Variants in SLC35F4 observed in about 807,000 individuals in gnomAD.
SLC35F4 encodes the protein solute carrier family 35 member F4, also known as chromosome 14 open reading frame 36.
In SLC35F4, 24 loss-of-function variants were observed where a neutral mutation model predicts 44.2. The observed-to-expected ratio is 0.54, with a 90% CI of 0.39 to 0.76. The LOEUF (loss-of-function observed/expected upper bound fraction) is 0.76, where lower values mean the gene tolerates loss of function less well. SLC35F4 is among the 30% of genes least tolerant of loss of function. The pLI is 0.00. For missense variants in SLC35F4, 562 were observed against 586.1 expected, an observed-to-expected ratio of 0.96 and a Z score of 0.42; for synonymous variants, 238 against 223.6, an observed-to-expected ratio of 1.06 and a Z score of -0.57.
chr14:57,841,127 G>A (rs1885441659), intron 1 of SLC35F4, among the ~76,000 whole-genome samples: 1 of 152,108 alleles, frequency 6.6e-6, no homozygotes, highest in Non-Finnish European at 1.5e-5. Context: ...TCAATTATCA[G>A]CAACATGTAC....
intron 4 of SLC35F4, among the ~76,000 whole-genome samples, chr14:57,574,134 C>T (rs929711570): frequency 6.6e-6 from 1 of 152,128 alleles, no homozygotes; most frequent in Non-Finnish European, 1.5e-5. Flanking sequence ...TCATTATCCC[C>T]AAGATATGAC....
At chr14:57,780,769 T>C (rs1014635780) in intron 1 of SLC35F4, among the ~76,000 whole-genome samples, 1 of 151,766 alleles carries the variant, frequency 6.6e-6, no homozygotes, top group East Asian at 1.9e-4. Context: ...TATAAAAACA[T>C]AGACCAAGGG....
At chr14:57,783,274 A>T (rs749735383) in intron 1 of SLC35F4, among the ~76,000 whole-genome samples, 1 of 152,130 alleles carries the variant, frequency 6.6e-6, no homozygotes, top group Non-Finnish European at 1.5e-5. Flanking sequence ...ATTTTTTAAA[A>T]TATCAAGCAG....
At chr14:57,691,961 G>A (rs552995708) in intron 1 of SLC35F4, among the ~76,000 whole-genome samples, 10 of 152,118 alleles carry the variant, frequency 6.6e-5, no homozygotes, top group Non-Finnish European at 1.3e-4. Context: ...TGTGGAACAC[G>A]ATAGTGTGTG....
At chr14:57,915,828 T>C (rs1046324243) in intron 1 of SLC35F4, among the ~76,000 whole-genome samples, 1 of 152,128 alleles carries the variant, frequency 6.6e-6, no homozygotes, top group Non-Finnish European at 1.5e-5. Flanking sequence ...AGTTCTGGGG[T>C]CTTCTTCTGA....
At chr14:57,578,334 T>TTTTTTTTG (rs1235889180) in intron 4 of SLC35F4, among the ~76,000 whole-genome samples, 1 of 80,426 alleles carries the variant, frequency 1.2e-5, no homozygotes, top group Admixed American at 1.2e-4. Context: ...TGTTTTTTTT[T>TTTTTTTTG]TTTTTTTTTT....
chr14:57,797,195 C>T (rs1169016237), intron 1 of SLC35F4, among the ~76,000 whole-genome samples: 1 of 152,214 alleles, frequency 6.6e-6, no homozygotes, highest in African/African-American at 2.4e-5. Flanking sequence ...CATAGTCTAG[C>T]AGTCCCATGT....
At chr14:57,619,548 TCAGAGAC>T in intron 1 of SLC35F4, among the ~76,000 whole-genome samples, 1 of 151,968 alleles carries the variant, frequency 6.6e-6, no homozygotes, top group Admixed American at 6.5e-5. Flanking sequence ...GTCACTAACA[TCAGAGAC>T]CAAAGGTAGA....
chr14:57,727,235 T>C (rs1416259753), intron 1 of SLC35F4, among the ~76,000 whole-genome samples: 1 of 151,924 alleles, frequency 6.6e-6, no homozygotes, highest in African/African-American at 2.4e-5. Flanking sequence ...CTAATGATCT[T>C]TTGAATTTCT....
At chr14:57,676,444 G>A (rs1204640841) in intron 1 of SLC35F4, among the ~76,000 whole-genome samples, 2 of 152,082 alleles carry the variant, frequency 1.3e-5, no homozygotes, top group South Asian at 2.1e-4. Context: ...GGAAGAGAGA[G>A]CACCAGGATA....
intron 1 of SLC35F4, among the ~76,000 whole-genome samples, chr14:57,908,472 A>G (rs1374327889): frequency 6.6e-6 from 1 of 152,188 alleles, no homozygotes; most frequent in Non-Finnish European, 1.5e-5. Flanking sequence ...TTGACTTTCT[A>G]ATAATCACCA....
At chr14:57,759,197 T>C (rs1373895057) in intron 1 of SLC35F4, among the ~76,000 whole-genome samples, 2 of 152,132 alleles carry the variant, frequency 1.3e-5, no homozygotes, top group Non-Finnish European at 2.9e-5. Context: ...AATATGGGAG[T>C]ACAGATAATT....
At chr14:57,758,089 A>G (rs2077039587) in intron 1 of SLC35F4, among the ~76,000 whole-genome samples, 1 of 149,534 alleles carries the variant, frequency 6.7e-6, no homozygotes, top group South Asian at 2.1e-4. Flanking sequence ...TTTCACTTGC[A>G]TTATTTCTGG....
At chr14:57,689,827 G>A (rs1179788527) in intron 1 of SLC35F4, among the ~76,000 whole-genome samples, 1 of 151,764 alleles carries the variant, frequency 6.6e-6, no homozygotes, top group Non-Finnish European at 1.5e-5. Context: ...TATGGCACAC[G>A]TATACATATG....
Position 57,729,476 on chromosome 14 carries a change from C to G in SLC35F4, c.104-135352G>C, listed in dbSNP as rs534788267. ...GTGATGAATCCTGCCAAGACTGAGT[C>G]CTTCCCTTCAAGGCAGTGGGTTGCC... On this transcript the variant is annotated intron_variant, in intron 1 of 7. Transcript: ENST00000556826. Among the ~76,000 whole-genome samples, 62 of 152,270 alleles carry G rather than the reference C, an allele frequency of 4.1e-4. 2 individuals carry two copies. In the South Asian group the frequency reaches 0.011, roughly 28 times the overall value.
chr14:57,789,048 A>G lies in SLC35F4; in HGVS notation c.103+76675T>C, dbSNP rs1221000571. 2.0e-5 allele frequency among the ~76,000 whole-genome samples: 3 copies of G among 152,356 alleles called. No individual in the cohort carries two copies. In the Middle Eastern group the frequency reaches 0.01, roughly 518 times the overall value. ...GAAACTTGTAGCACTAAATGCCTAC[A>G]TGAGAAAGTGGGACAGATCTAAAAT... is the stretch of plus-strand genomic sequence containing the variant. On this transcript the variant is annotated intron_variant, in intron 1 of 7. Transcript: ENST00000556826.
Position 57,564,639 on chromosome 14 carries a change from C to A in SLC35F4, c.1217-263G>T, listed in dbSNP as rs542461070. 8.3e-4 allele frequency among the ~76,000 whole-genome samples: 126 copies of A among 152,326 alleles called. 3 individuals carry two copies. Among genetic ancestry groups the A allele is most frequent in the Non-Finnish European group, 4.6e-4 (31 of 68,032 alleles). On this transcript the variant is annotated intron_variant, in intron 7 of 7. Coordinates refer to ENST00000556826, the MANE Select transcript of SLC35F4 (RefSeq NM_001306087.2). ...TCTCTCAGTACTTTTCCTCTTTACCCCTTTAACCTTCTCCAGTTTCATTGG... is the reference window on the plus strand; with the variant it reads ...TCTCTCAGTACTTTTCCTCTTTACCACTTTAACCTTCTCCAGTTTCATTGG...
chr14:57,948,416 T>A (rs1890072992), intron 1 of SLC35F4, among the ~76,000 whole-genome samples: 1 of 152,190 alleles, frequency 6.6e-6, no homozygotes. Context: ...ATTTGGATCA[T>A]CTCTCTTCTT....
intron 1 of SLC35F4, among the ~76,000 whole-genome samples, chr14:57,960,443 C>T (rs1890317823): frequency 6.6e-6 from 1 of 152,236 alleles, no homozygotes; most frequent in African/African-American, 2.4e-5. Flanking sequence ...CCAAGCATTT[C>T]TTAATTTCTC....
Sources: gnomAD v4.1 joint callset for allele counts (sites outside exome capture counted in the v4.1 genomes callset) on GRCh38, gnomAD v4.1.1 for gene constraint, MANE v1.5 for transcripts, NCBI Gene and HGNC (gene_info 2026-07-23, HGNC 2026-07-21) for gene names.